DNAJC1: variants seen among roughly 807,000 people sequenced by gnomAD.
DNAJC1 encodes dnaJ homolog subfamily C member 1.
In DNAJC1, 58 loss-of-function variants were observed where a neutral mutation model predicts 76.6. The observed-to-expected ratio is 0.76, with a 90% CI of 0.61 to 0.94. The LOEUF (loss-of-function observed/expected upper bound fraction) is 0.94. Among genes scored for constraint, DNAJC1 ranks in the 40% least tolerant of loss-of-function variants. The pLI, the probability that DNAJC1 is intolerant of heterozygous loss-of-function variation, is 0.00. For missense variants in DNAJC1, 689 were observed against 677.3 expected (o/e 1.02, Z -0.19); for synonymous variants, 258 against 267.9 (o/e 0.96, Z 0.36).
At position 21,756,674 on chromosome 10, in the gene DNAJC1, T is replaced by C. The variant is rs1391261042; in HGVS notation, c.*13A>G. 3.1e-6 allele frequency: 5 copies of C among 1,602,262 alleles called. No homozygotes were observed. Among genetic ancestry groups the C allele is most frequent in the Non-Finnish European group, 4.3e-6 (5 of 1,169,538 alleles). ...TTTTGGAAAATGAAGGTGAACATCA[T>C]CTCCCAGAATATTCAGCTTTTAGCT... is the stretch of plus-strand genomic sequence containing the variant. On this transcript the variant is annotated 3_prime_UTR_variant, in exon 12 of 12. Coordinates refer to ENST00000376980, the MANE Select transcript of DNAJC1 (RefSeq NM_022365.4).
chr10:21,840,000 C>A (rs970052006), intron 8 of DNAJC1, among the ~76,000 whole-genome samples: 1 of 152,134 alleles, frequency 6.6e-6, no homozygotes, highest in Non-Finnish European at 1.5e-5. Context: ...AAGACAAAAA[C>A]CACATGATTA....
At position 21,759,572 on chromosome 10, in the gene DNAJC1, C is replaced by T. The variant is rs1257998352; in HGVS notation, c.1194G>A (p.Arg398=). 1.2e-6 allele frequency: 2 copies of T among 1,613,986 alleles called. No homozygotes were observed. Among genetic ancestry groups the T allele is most frequent in the East Asian group, 4.5e-5 (2 of 44,894 alleles). ...SELKSTVQNS[R]PIKTATTLPD... The stretch of plus-strand genomic sequence containing the variant: ...GCAAGGTGGTGGCCGTTTTGATGGG[C>T]CTGGAATTCTGAACTGTCGATTTGA... The change falls in exon 11 of 12, where the codon AGG becomes AGA. Residue 398 remains arginine (R), a synonymous_variant. Transcript: ENST00000376980.
intron 1 of DNAJC1, among the ~76,000 whole-genome samples, chr10:21,952,918 G>A (rs1027899999): frequency 6.6e-6 from 1 of 152,054 alleles, no homozygotes; most frequent in Non-Finnish European, 1.5e-5. Context: ...ACCATACAGG[G>A]TCATTCTCAG....
intron 9 of DNAJC1, among the ~76,000 whole-genome samples, chr10:21,780,355 G>A (rs1341282633): frequency 1.3e-5 from 2 of 152,202 alleles, no homozygotes; most frequent in Non-Finnish European, 2.9e-5. Context: ...GAAAGGTTGG[G>A]TTACCCACAA....
At chr10:21,862,934 A>C (rs1356520546) in intron 8 of DNAJC1, among the ~76,000 whole-genome samples, 1 of 152,032 alleles carries the variant, frequency 6.6e-6, no homozygotes. Context: ...GGAGTTCGAG[A>C]CCAGCCTGAC....
intron 1 of DNAJC1, among the ~76,000 whole-genome samples, chr10:21,977,731 T>C (rs1367360750): frequency 6.6e-6 from 1 of 152,216 alleles, no homozygotes; most frequent in African/African-American, 2.4e-5. Context: ...AGGAGGCTTA[T>C]GTTATAGTGC....
chr10:21,990,571 T>C (rs781637802), intron 1 of DNAJC1, among the ~76,000 whole-genome samples: 4 of 152,182 alleles, frequency 2.6e-5, no homozygotes, highest in Non-Finnish European at 4.4e-5. Context: ...AGTAGTATTA[T>C]ACAAAAACTT....
intron 9 of DNAJC1, among the ~76,000 whole-genome samples, chr10:21,799,879 G>A (rs1472508911): frequency 6.6e-6 from 1 of 152,076 alleles, no homozygotes; most frequent in Non-Finnish European, 1.5e-5. Flanking sequence ...TTTCCCCTGA[G>A]CACTGTGAAG....
chr10:21,810,049 G>A (rs558279819), intron 8 of DNAJC1, among the ~76,000 whole-genome samples: 108 of 151,966 alleles, frequency 7.1e-4, no homozygotes, highest in Non-Finnish European at 3.1e-4. Flanking sequence ...CCACCCTTCC[G>A]ACTTCATTAG....
At chr10:21,941,742 C>T (rs1837416135) in intron 1 of DNAJC1, among the ~76,000 whole-genome samples, 1 of 151,700 alleles carries the variant, frequency 6.6e-6, no homozygotes, top group Non-Finnish European at 1.5e-5. Flanking sequence ...ATTCTTAAAA[C>T]AGAAGAAATA....
chr10:21,831,262 G>C (rs1835352718), intron 8 of DNAJC1, among the ~76,000 whole-genome samples: 1 of 152,100 alleles, frequency 6.6e-6, no homozygotes, highest in South Asian at 2.1e-4. Context: ...TTTCACAGAA[G>C]GGTAGCCCTT....
intron 1 of DNAJC1, among the ~76,000 whole-genome samples, chr10:21,981,177 G>A (rs187517482): frequency 5.9e-5 from 9 of 152,130 alleles, no homozygotes; most frequent in East Asian, 1.9e-4. Flanking sequence ...AGATCTCCCC[G>A]TTTTATATTT....
intron 8 of DNAJC1, among the ~76,000 whole-genome samples, chr10:21,829,099 T>C (rs1835311763): frequency 6.6e-6 from 1 of 152,134 alleles, no homozygotes; most frequent in Non-Finnish European, 1.5e-5. Context: ...GAGGTGATCT[T>C]GGCTCACTGC....
chr10:21,957,649 T>C (rs1050842246), intron 1 of DNAJC1, among the ~76,000 whole-genome samples: 3 of 152,198 alleles, frequency 2.0e-5, no homozygotes, highest in African/African-American at 7.2e-5. Flanking sequence ...ATTTAGGCTT[T>C]ACTCATCTTT....
Position 21,806,001 on chromosome 10 carries a change from T to C in DNAJC1, c.1077A>G (p.Glu359=), listed in dbSNP as rs757199868. The C allele has an allele frequency of 3.1e-6, 5 of 1,611,528 alleles. No individual in the cohort carries two copies. The highest frequency in any genetic ancestry group is 4.2e-6 in the Non-Finnish European group (5 of 1,179,518). Residue 359 remains glutamate, a synonymous_variant, in exon 9 of 12, where the codon GAA becomes GAG. Coordinates refer to ENST00000376980, the MANE Select transcript of DNAJC1 (RefSeq NM_022365.4). ...TCACATCTGTCACAGATCGACCCAA[T>C]TCGTGGGCAATCTTTTCCCATCGAC... The part of the protein sequence containing the change: ...TPGRWEKIAH[E]LGRSVTDVTT...
chr10:21,799,411 G>C lies in DNAJC1; in HGVS notation c.1098+6569C>G, dbSNP rs766648533. 1.6e-3 allele frequency among the ~76,000 whole-genome samples: 245 copies of C among 152,024 alleles called. 8 individuals are homozygous for C. Among genetic ancestry groups the C allele is most frequent in the Non-Finnish European group, 4.9e-4 (33 of 68,002 alleles). The stretch of plus-strand genomic sequence containing the variant: ...TCTCCTGGGCTCAAGTGATCCTCCT[G>C]ACTCAGCCTCCCAAATAGCTGGCAC... On this transcript the variant is annotated intron_variant, in intron 9 of 11. Transcript: ENST00000376980.
At chr10:21,910,503 AAACATCAACATATT>A (rs1162353758) in intron 6 of DNAJC1, among the ~76,000 whole-genome samples, 4 of 152,046 alleles carry the variant, frequency 2.6e-5, no homozygotes, top group African/African-American at 9.7e-5. Context: ...CTCTCCATAT[AAACATCAACATATT>A]AAGCAATCCA....
At chr10:21,995,528 T>C (rs539150600) in intron 1 of DNAJC1, among the ~76,000 whole-genome samples, 2 of 152,362 alleles carry the variant, frequency 1.3e-5, no homozygotes, top group African/African-American at 4.8e-5. Context: ...CACTGCTGCA[T>C]ATACTATGGC....
intron 8 of DNAJC1, among the ~76,000 whole-genome samples, chr10:21,823,488 A>G (rs1010476332): frequency 2.6e-5 from 4 of 152,172 alleles, no homozygotes; most frequent in Non-Finnish European, 5.9e-5. Context: ...TTTTTCTATC[A>G]CTGATGAGTA....
Sources: allele counts gnomAD v4.1 joint callset (sites outside exome capture counted in the v4.1 genomes callset), GRCh38; gene constraint gnomAD v4.1.1; transcripts MANE v1.5; gene names NCBI Gene and HGNC (gene_info 2026-07-23, HGNC 2026-07-21).